Variants in CD9 observed in about 807,000 individuals in gnomAD.
CD9 encodes the protein CD9 molecule.
In CD9, 10 loss-of-function variants were observed where a neutral mutation model predicts 31.4. The ratio of observed to expected loss-of-function variants is 0.32; its 90% confidence interval spans 0.20 to 0.54. The LOEUF is 0.54. CD9 is among the 20% of genes least tolerant of loss of function. The pLI, the probability that CD9 is intolerant of heterozygous loss-of-function variation, is 0.94. For missense variants in CD9, 259 were observed against 300.1 expected, an observed-to-expected ratio of 0.86 and a Z score of 1.01; for synonymous variants, 113 against 114.1, an observed-to-expected ratio of 0.99 and a Z score of 0.06.
rs1946376546 is a variant in CD9, at chr12:6,227,035, CT to C, written c.175+1502del. Reference sequence around the variant, plus strand: ...CGGCGCGTGTGTCTCCAAAGAGAGACTCAGTCCTCCCTTGTCCTGGCTGCTT... The same window carrying C: ...CGGCGCGTGTGTCTCCAAAGAGAGACCAGTCCTCCCTTGTCCTGGCTGCTT... On this transcript the variant is annotated intron_variant, in intron 2 of 7. Coordinates refer to ENST00000009180, the MANE Select transcript of CD9 (RefSeq NM_001769.4). 5.3e-5 allele frequency among the ~76,000 whole-genome samples: 8 copies of C among 152,322 alleles called. No homozygotes were observed. The South Asian group carries it at 1.7e-3, about 32-fold the overall frequency.
chr12:6,219,646 C>T (rs554193413), intron 1 of CD9, among the ~76,000 whole-genome samples: 10 of 152,088 alleles, frequency 6.6e-5, no homozygotes, highest in South Asian at 2.1e-4. Flanking sequence ...CCACCACGCC[C>T]GGCTAATTTT....
chr12:6,232,474 A>T lies in CD9; in HGVS notation c.176-158A>T. 2 of 655,946 alleles carry T rather than the reference A, an allele frequency of 3.0e-6. No individual in the cohort carries two copies. Among genetic ancestry groups the T allele is most frequent in the Non-Finnish European group, 2.7e-6 (1 of 363,686 alleles). 40.6% of individuals were successfully genotyped at this position (655,946 alleles called of 1,614,324 possible). A position where few individuals can be genotyped will look rare whatever the true frequency, so the allele number is the denominator to read the frequency against. Reference sequence around the variant, plus strand: ...AGACCTGGGGCAGAGGTGGAAGAGGAGGCTGTATTTTAAGGAAAGGGAACT... The same window carrying T: ...AGACCTGGGGCAGAGGTGGAAGAGGTGGCTGTATTTTAAGGAAAGGGAACT... On this transcript the variant is annotated intron_variant, in intron 2 of 7. Coordinates refer to ENST00000009180, the MANE Select transcript of CD9 (RefSeq NM_001769.4). The surrounding 1 kb of genome is among the most constrained non-coding windows in gnomAD (Gnocchi z 4.8).
Position 6,232,677 on chromosome 12 carries a change from G to A in CD9, c.221G>A (p.Gly74Asp), listed in dbSNP as rs1209365021. 6.3e-7 allele frequency: 1 copy of A among 1,581,470 alleles called. No individual in the cohort carries two copies. Among genetic ancestry groups the A allele is most frequent in the East Asian group, 2.3e-5 (1 of 43,462 alleles). Residue 74 changes from glycine to aspartate, a missense_variant, in exon 3 of 8, where the codon GGC becomes GAC. Transcript: ENST00000009180. This position sits in a 1 kb window ranked among gnomAD's most constrained non-coding sequence, Gnocchi z 4.8. The part of the protein sequence containing the change: ...IGAGALMMLV[G>D]FLGCCGAVQE... Reference sequence around the variant, plus strand: ...GCCGGCGCCCTCATGATGCTGGTGGGCTTCCTGGGCTGCTGCGGGGCTGTG... The same window carrying A: ...GCCGGCGCCCTCATGATGCTGGTGGACTTCCTGGGCTGCTGCGGGGCTGTG...
At chr12:6,233,145 T>C in intron 3 of CD9, 2 of 679,638 alleles carry the variant, frequency 2.9e-6, no homozygotes, top group South Asian at 3.2e-5. Context: ...GACTCTTAAC[T>C]AACGCCTTGT....
chr12:6,236,127 G>A (rs1946519837), intron 6 of CD9, 65 bp from the exon 7 acceptor site: 2 of 1,601,732 alleles, frequency 1.2e-6, no homozygotes, highest in East Asian at 2.2e-5. Flanking sequence ...GGGGGCCATG[G>A]GAGGGAGGAG....
At chr12:6,214,852 G>A (rs1333830075) in intron 1 of CD9, among the ~76,000 whole-genome samples, 7 of 152,144 alleles carry the variant, frequency 4.6e-5, no homozygotes, top group Non-Finnish European at 8.8e-5. Flanking sequence ...GTTACCAGAG[G>A]AGAGTTCACG....
chr12:6,219,548 T>C (rs960807958), intron 1 of CD9, among the ~76,000 whole-genome samples: 1 of 151,688 alleles, frequency 6.6e-6, no homozygotes, highest in East Asian at 2.0e-4. Flanking sequence ...TACAGTGGCG[T>C]GATCTCGGCT....
intron 1 of CD9, among the ~76,000 whole-genome samples, chr12:6,219,425 C>T (rs1473882181): frequency 2.6e-5 from 4 of 152,166 alleles, no homozygotes; most frequent in Non-Finnish European, 5.9e-5. Flanking sequence ...AAATATTCCC[C>T]AACCAACCTT....
At chr12:6,204,882 TC>T (rs1174631585) in intron 1 of CD9, among the ~76,000 whole-genome samples, 1 of 152,222 alleles carries the variant, frequency 6.6e-6, no homozygotes, top group African/African-American at 2.4e-5. Flanking sequence ...CCCTGCCCCT[TC>T]CTGTATCAGT....
At chr12:6,222,261 C>T (rs578028255) in intron 1 of CD9, among the ~76,000 whole-genome samples, 4 of 152,292 alleles carry the variant, frequency 2.6e-5, no homozygotes, top group East Asian at 1.9e-4. Flanking sequence ...GCATCCCCCC[C>T]GGCCGGTGAA....
chr12:6,235,859 G>C (rs752735287), intron 6 of CD9: 17 of 1,366,574 alleles, frequency 1.2e-5, no homozygotes, highest in African/African-American at 2.9e-5. Context: ...CTCTGACTTT[G>C]TCAGTGGCTC....
At position 6,232,493 on chromosome 12, in the gene CD9, G is replaced by A. The variant is rs748387844; in HGVS notation, c.176-139G>A. ...AAGAGGAGGCTGTATTTTAAGGAAA[G>A]GGAACTTCTTCCCTGAGATGAGGGG... is the stretch of plus-strand genomic sequence containing the variant. On this transcript the variant is annotated intron_variant, in intron 2 of 7. Transcript: ENST00000009180. The surrounding 1 kb of genome is among the most constrained non-coding windows in gnomAD (Gnocchi z 4.8). 3 of 681,578 alleles carry A rather than the reference G, an allele frequency of 4.4e-6. No individual in the cohort carries two copies. Among genetic ancestry groups the A allele is most frequent in the Non-Finnish European group, 7.9e-6 (3 of 377,912 alleles). The allele number at this position is 681,578 out of a possible 1,614,324, so 42.2% of individuals were successfully genotyped here.
In CD9 at chr12:6,213,268, C is replaced by T. The variant is rs187119223; in HGVS notation, c.67-12158C>T. ...TCATCCATATCTTCTCACTTCAGTT[C>T]ATGAAACCACATCACACAAGATCAG... is the stretch of plus-strand genomic sequence containing the variant. On this transcript the variant is annotated intron_variant, in intron 1 of 7. Transcript: ENST00000009180. Among the ~76,000 whole-genome samples, 135 of 152,328 alleles carry T rather than the reference C, an allele frequency of 8.9e-4. 1 individual carries two copies. Among genetic ancestry groups the T allele is most frequent in the African/African-American group, 3.1e-3 (129 of 41,574 alleles).
intron 1 of CD9, among the ~76,000 whole-genome samples, chr12:6,222,965 G>A (rs1426301597): frequency 6.6e-6 from 1 of 152,242 alleles, no homozygotes; most frequent in Non-Finnish European, 1.5e-5. Flanking sequence ...GGGGAAGTAA[G>A]ATGACTTGGG....
intron 4 of CD9, 36 bp from the exon 5 acceptor site, chr12:6,235,188 GAAAAT>G: frequency 7.2e-7 from 1 of 1,397,628 alleles, no homozygotes; most frequent in Non-Finnish European, 1.0e-6. Context: ...AGGAAGATGT[GAAAAT>G]GCCGTCTCTG....
At chr12:6,221,813 CAA>C (rs34034952) in intron 1 of CD9, among the ~76,000 whole-genome samples, 54 of 62,048 alleles carry the variant, frequency 8.7e-4, no homozygotes, top group African/African-American at 1.1e-3. Context: ...CCTGGCTCTA[CAA>C]AAAAAAAAAA....
At chr12:6,210,601 G>C (rs1946184303) in intron 1 of CD9, among the ~76,000 whole-genome samples, 1 of 152,226 alleles carries the variant, frequency 6.6e-6, no homozygotes, top group Admixed American at 6.5e-5. Flanking sequence ...TTCCGGTGCA[G>C]ATGGGCTCCC....
chr12:6,224,422 C>A (rs531353021), intron 1 of CD9, among the ~76,000 whole-genome samples: 8 of 152,240 alleles, frequency 5.3e-5, no homozygotes, highest in African/African-American at 1.9e-4. Flanking sequence ...CCCACTATTG[C>A]CACATCTGCT....
intron 1 of CD9, among the ~76,000 whole-genome samples, chr12:6,213,689 C>T (rs1194314872): frequency 2.0e-5 from 3 of 152,278 alleles, no homozygotes; most frequent in Admixed American, 6.5e-5. Context: ...TGCAGAGCCA[C>T]GGTCACCATT....
Sources: allele counts gnomAD v4.1 joint callset (sites outside exome capture counted in the v4.1 genomes callset), GRCh38; gene constraint gnomAD v4.1.1; non-coding constraint Gnocchi (gnomAD v3.1); transcripts MANE v1.5; gene names NCBI Gene and HGNC (gene_info 2026-07-23, HGNC 2026-07-21).